Variants in TRPM3 observed in about 807,000 individuals in gnomAD.
TRPM3 encodes the protein long transient receptor potential channel 3.
Under a neutral mutation model 181.2 loss-of-function variants are expected in TRPM3, and 77 were observed. The ratio of observed to expected loss-of-function variants is 0.42; its 90% CI spans 0.35 to 0.51. The LOEUF is 0.51. TRPM3 is among the 20% of genes least tolerant of loss of function. The probability of loss-of-function intolerance (pLI) is 0.01; values close to 1 mark genes in which losing one functional copy is unlikely to be tolerated. For synonymous variants in TRPM3, 745 were observed against 796.4 expected, an observed-to-expected ratio of 0.94 and a Z score of 1.09; for missense variants, 1,759 against 2,196.7, an observed-to-expected ratio of 0.80 and a Z score of 3.98.
intron 1 of TRPM3, among the ~76,000 whole-genome samples, chr9:71,385,808 G>A (rs1419307605): frequency 6.6e-6 from 1 of 151,994 alleles, no homozygotes. Flanking sequence ...GGGTTCAAGG[G>A]ATTCTTCCAC....
At chr9:71,336,008 A>C (rs868593640) in intron 1 of TRPM3, among the ~76,000 whole-genome samples, 3 of 152,104 alleles carry the variant, frequency 2.0e-5, no homozygotes, top group Non-Finnish European at 2.9e-5. Context: ...CAATCAATTC[A>C]TTCAAAACAA....
intron 6 of TRPM3, among the ~76,000 whole-genome samples, chr9:70,788,022 T>C (rs1189041639): frequency 6.6e-6 from 1 of 150,704 alleles, no homozygotes; most frequent in African/African-American, 2.4e-5. Context: ...TTTTTTTTTT[T>C]TTAATATACT....
intron 1 of TRPM3, among the ~76,000 whole-genome samples, chr9:71,196,201 C>T (rs978464246): frequency 1.4e-5 from 2 of 146,838 alleles, no homozygotes; most frequent in Admixed American, 1.3e-4. Context: ...GTGTTTTGTA[C>T]TTATTTGCTC....
intron 1 of TRPM3, among the ~76,000 whole-genome samples, chr9:70,935,050 C>A (rs1352598427): frequency 6.6e-6 from 1 of 152,126 alleles, no homozygotes; most frequent in Non-Finnish European, 1.5e-5. Flanking sequence ...CACTTCCCAG[C>A]CTCATCTTCC....
chr9:70,938,968 A>T (rs531981891), intron 1 of TRPM3, among the ~76,000 whole-genome samples: 6 of 151,998 alleles, frequency 3.9e-5, no homozygotes, highest in African/African-American at 7.2e-5. Context: ...AAAAAAAAAA[A>T]TAAAAATAAA....
intron 4 of TRPM3, among the ~76,000 whole-genome samples, chr9:70,846,063 A>C (rs1457424856): frequency 1.3e-5 from 2 of 152,238 alleles, no homozygotes; most frequent in African/African-American, 4.8e-5. Flanking sequence ...AGCAGAAGTC[A>C]TTCCCTAAAG....
intron 22 of TRPM3, among the ~76,000 whole-genome samples, chr9:70,573,669 A>C (rs1050350676): frequency 3.3e-5 from 5 of 150,626 alleles, no homozygotes; most frequent in African/African-American, 1.2e-4. Context: ...AAGTTTCCCA[A>C]AAAAAAGGTA....
chr9:70,621,491 C>T (rs1408286229), intron 14 of TRPM3, among the ~76,000 whole-genome samples: 8 of 152,086 alleles, frequency 5.3e-5, no homozygotes, highest in African/African-American at 9.7e-5. Flanking sequence ...CAGTGCCCCA[C>T]GTAGCTGAGA....
intron 1 of TRPM3, among the ~76,000 whole-genome samples, chr9:71,151,465 C>T (rs1290552774): frequency 6.6e-6 from 1 of 151,976 alleles, no homozygotes; most frequent in African/African-American, 2.4e-5. Context: ...ATCTAAAAGA[C>T]ATACATATGT....
At chr9:71,433,435 G>A (rs1428831201) in intron 1 of TRPM3, among the ~76,000 whole-genome samples, 6 of 152,150 alleles carry the variant, frequency 3.9e-5, no homozygotes, top group Admixed American at 2.0e-4. Context: ...TTCCTCTTCT[G>A]CCATGATTGT....
At chr9:71,208,200 A>G (rs907794009) in intron 1 of TRPM3, among the ~76,000 whole-genome samples, 2 of 152,164 alleles carry the variant, frequency 1.3e-5, no homozygotes, top group Non-Finnish European at 2.9e-5. Flanking sequence ...ATTTTTATCT[A>G]GCATACCTGC....
chr9:71,211,365 T>TG (rs2079493119), intron 1 of TRPM3, among the ~76,000 whole-genome samples: 1 of 151,742 alleles, frequency 6.6e-6, no homozygotes, highest in Non-Finnish European at 1.5e-5. Context: ...GATTGTGTTT[T>TG]TTTTTTTTTA....
chr9:70,644,240 T>C (rs1408413886), intron 9 of TRPM3, among the ~76,000 whole-genome samples: 1 of 152,152 alleles, frequency 6.6e-6, no homozygotes, highest in African/African-American at 2.4e-5. Flanking sequence ...TACTTTCAGA[T>C]TGTAGAAGTG....
At chr9:70,905,049 C>T (rs2096442652) in intron 1 of TRPM3, among the ~76,000 whole-genome samples, 1 of 152,190 alleles carries the variant, frequency 6.6e-6, no homozygotes, top group Non-Finnish European at 1.5e-5. Flanking sequence ...TGAAGAGCCA[C>T]CTCCAGAGCA....
intron 1 of TRPM3, among the ~76,000 whole-genome samples, chr9:70,888,130 G>A (rs1448125958): frequency 6.6e-6 from 1 of 152,032 alleles, no homozygotes; most frequent in Non-Finnish European, 1.5e-5. Context: ...ATGCTCCATA[G>A]AACCAAGAAG....
chr9:71,188,947 G>A (rs2077846298), intron 1 of TRPM3, among the ~76,000 whole-genome samples: 1 of 151,856 alleles, frequency 6.6e-6, no homozygotes, highest in Admixed American at 6.6e-5. Context: ...GATATTTTGT[G>A]GGCATGTCCA....
intron 1 of TRPM3, among the ~76,000 whole-genome samples, chr9:71,373,771 A>T (rs72735836): frequency 6.6e-6 from 1 of 152,314 alleles, no homozygotes; most frequent in Non-Finnish European, 1.5e-5. Flanking sequence ...TCCCTTACTC[A>T]ATCTATAAAG....
At position 70,939,753 on chromosome 9, in the gene TRPM3, G is replaced by C. The variant is rs139208839; in HGVS notation, c.178-75242C>G. Among the ~76,000 whole-genome samples, 389 of 152,256 alleles carry C rather than the reference G, an allele frequency of 2.6e-3. 2 individuals carry two copies. The highest frequency in any genetic ancestry group is 9.0e-3 in the African/African-American group (376 of 41,556). ...GCTACAGCTTTTTCCAAGCATCTTT[G>C]TTTACTCATTCTCTAGCCCTGGGGA... On this transcript the variant is annotated intron_variant, in intron 1 of 25. Coordinates refer to ENST00000677713, the MANE Select transcript of TRPM3 (RefSeq NM_001366145.2).
chr9:71,443,745 C>A (rs1281133947), intron 1 of TRPM3, among the ~76,000 whole-genome samples: 1 of 152,060 alleles, frequency 6.6e-6, no homozygotes, highest in Non-Finnish European at 1.5e-5. Context: ...AAGCCGACCT[C>A]CCCTACACTT....
Sources: allele counts gnomAD v4.1 joint callset (sites outside exome capture counted in the v4.1 genomes callset), GRCh38; gene constraint gnomAD v4.1.1; transcripts MANE v1.5; gene names NCBI Gene and HGNC (gene_info 2026-07-23, HGNC 2026-07-21).